The following NBEA variants were observed in gnomAD, a reference collection of about 807,000 sequenced individuals.
NBEA encodes neurobeachin, also known as lysosomal-trafficking regulator 2.
NBEA carries 44 observed loss-of-function variants against 343.4 expected under a neutral mutation model. That is an observed-to-expected ratio of 0.13 (90% CI 0.10 to 0.16). The LOEUF is 0.16. Among genes scored for constraint, NBEA ranks in the 10% least tolerant of loss-of-function variants. The pLI is 1.00. For synonymous variants in NBEA, 1,175 were observed against 1,238.7 expected (o/e 0.95, Z 1.08); for missense variants, 2,555 against 3,631.3 (o/e 0.70, Z 7.62).
intron 48 of NBEA, among the ~76,000 whole-genome samples, chr13:35,618,531 C>T (rs1163118364): frequency 2.6e-5 from 4 of 151,330 alleles, no homozygotes; most frequent in Admixed American, 2.0e-4. Context: ...AGTTATGTTT[C>T]GCTGTGAAAT....
At chr13:35,611,485 G>T (rs190384319) in intron 48 of NBEA, among the ~76,000 whole-genome samples, 128 of 152,182 alleles carry the variant, frequency 8.4e-4, no homozygotes, top group African/African-American at 2.9e-3. Context: ...TGTTTTCAGT[G>T]TACAATTTAA....
chr13:35,219,810 C>G (rs944804264), intron 33 of NBEA, among the ~76,000 whole-genome samples: 1 of 152,136 alleles, frequency 6.6e-6, no homozygotes, highest in African/African-American at 2.4e-5. Flanking sequence ...CTCAAACATT[C>G]AGGCAGAAGG....
rs866237522 is a variant in NBEA, at chr13:35,398,356, C to G, written c.6180-33913C>G. On this transcript the variant is annotated intron_variant, in intron 38 of 58. Transcript: ENST00000379939. Reference sequence around the variant, plus strand: ...TATTTTGACATCCTTCCATGAATCACAAATGTTCTTAATGGCATTGAGAAT... The same window carrying G: ...TATTTTGACATCCTTCCATGAATCAGAAATGTTCTTAATGGCATTGAGAAT... Among the ~76,000 whole-genome samples, 3 of 152,250 alleles carry G rather than the reference C, an allele frequency of 2.0e-5. No individual in the cohort carries two copies. In the Middle Eastern group the frequency reaches 0.01, roughly 518 times the overall value.
chr13:34,943,486 G>A (rs187828627), intron 1 of NBEA, among the ~76,000 whole-genome samples: 124 of 152,228 alleles, frequency 8.1e-4, no homozygotes, highest in African/African-American at 2.9e-3. Flanking sequence ...ACACTTAATT[G>A]TCCTTGGTGT....
At chr13:35,324,883 C>CA (rs1398312568) in intron 36 of NBEA, among the ~76,000 whole-genome samples, 1 of 151,954 alleles carries the variant, frequency 6.6e-6, no homozygotes, top group Non-Finnish European at 1.5e-5. Flanking sequence ...AACAAACAAA[C>CA]AAAAAATCAT....
intron 55 of NBEA, among the ~76,000 whole-genome samples, chr13:35,658,654 T>C (rs1185434138): frequency 2.0e-5 from 3 of 152,180 alleles, no homozygotes; most frequent in African/African-American, 7.2e-5. Context: ...TCCGATAATA[T>C]TTTGTACCAT....
chr13:35,507,411 T>C (rs1480226078), intron 41 of NBEA, among the ~76,000 whole-genome samples: 2 of 152,146 alleles, frequency 1.3e-5, no homozygotes, highest in African/African-American at 2.4e-5. Context: ...TGACTCTCTT[T>C]CTTGAACTTC....
chr13:35,243,798 C>T (rs141210037), intron 34 of NBEA, among the ~76,000 whole-genome samples: 82 of 151,914 alleles, frequency 5.4e-4, no homozygotes, highest in African/African-American at 1.9e-3. Flanking sequence ...CTGCAATAAT[C>T]GTGGGAGACA....
chr13:35,640,368 T>G (rs966772150), intron 49 of NBEA, among the ~76,000 whole-genome samples: 2 of 152,206 alleles, frequency 1.3e-5, no homozygotes, highest in African/African-American at 4.8e-5. Context: ...GTGCACACTT[T>G]AGAGGACACC....
intron 41 of NBEA, among the ~76,000 whole-genome samples, chr13:35,493,592 A>G (rs960429540): frequency 6.6e-6 from 1 of 151,970 alleles, no homozygotes; most frequent in Non-Finnish European, 1.5e-5. Flanking sequence ...AAGTGTTTTC[A>G]TATCATATAA....
intron 40 of NBEA, among the ~76,000 whole-genome samples, chr13:35,465,846 TC>T: frequency 6.6e-6 from 1 of 152,164 alleles, no homozygotes; most frequent in East Asian, 1.9e-4. Flanking sequence ...CTTTTTTGGT[TC>T]CTTGTAACAT....
intron 53 of NBEA, among the ~76,000 whole-genome samples, chr13:35,653,810 G>T (rs2084676222): frequency 1.3e-5 from 2 of 152,122 alleles, no homozygotes; most frequent in South Asian, 4.1e-4. Context: ...CTTTCCAGTA[G>T]ACATTGACAA....
At position 35,645,911 on chromosome 13, in the gene NBEA, C is replaced by T; in HGVS notation, c.7660C>T (p.Leu2554Phe). 1 of 1,573,428 alleles carries T rather than the reference C, an allele frequency of 6.4e-7. No homozygotes were observed. Among genetic ancestry groups the T allele is most frequent in the Non-Finnish European group, 8.7e-7 (1 of 1,155,568 alleles). ...CATTAGAGACCCCCACACTTTCCTT[C>T]TTACAAAGGACTTTATTAAGGTATA... ...YFIRDPHTFL[L>F]TKDFIKAMEA... is the part of the protein sequence containing the mutation. Residue 2554 changes from leucine (L) to phenylalanine (F), a missense_variant, in exon 50 of 59, where the codon CTT becomes TTT. Transcript: ENST00000379939.
chr13:35,585,131 T>TAA (rs775053482), intron 46 of NBEA, among the ~76,000 whole-genome samples: 5 of 71,448 alleles, frequency 7.0e-5, no homozygotes, highest in South Asian at 7.4e-4. Context: ...TCACTGACCT[T>TAA]AAAAAAAAAA....
chr13:35,398,301 T>C (rs1425426900), intron 38 of NBEA, among the ~76,000 whole-genome samples: 1 of 152,164 alleles, frequency 6.6e-6, no homozygotes, highest in Non-Finnish European at 1.5e-5. Flanking sequence ...AGGTTGAAAT[T>C]AGCTTCTCCC....
At chr13:35,663,661 C>T (rs2085212680) in intron 55 of NBEA, among the ~76,000 whole-genome samples, 2 of 152,130 alleles carry the variant, frequency 1.3e-5, no homozygotes. Flanking sequence ...CCAGGAAGCC[C>T]AGGGCATCTT....
intron 1 of NBEA, among the ~76,000 whole-genome samples, chr13:35,010,397 G>T (rs1480897720): frequency 6.6e-6 from 1 of 151,806 alleles, no homozygotes; most frequent in Non-Finnish European, 1.5e-5. Flanking sequence ...GGGTAACATA[G>T]TAAGACCTCA....
At chr13:35,390,803 A>G (rs1162035952) in intron 38 of NBEA, among the ~76,000 whole-genome samples, 2 of 152,164 alleles carry the variant, frequency 1.3e-5, no homozygotes, top group East Asian at 1.9e-4. Context: ...TAAATTTTAT[A>G]TTTCTTTGAA....
At position 35,298,187 on chromosome 13, in the gene NBEA, A is replaced by ATG. The variant is rs1216541038; in HGVS notation, c.5838+7761_5838+7762dup. 3.7e-3 allele frequency among the ~76,000 whole-genome samples: 424 copies of ATG among 115,048 alleles called. 4 individuals carry two copies. Among genetic ancestry groups the ATG allele is most frequent in the African/African-American group, 0.012 (356 of 30,134 alleles). The allele number at this position is 115,048 out of a possible 152,430, so 75.5% of individuals were successfully genotyped here. The stretch of plus-strand genomic sequence containing the variant: ...ATACATAGCCAGTGTGTGTGTGTGT[A>ATG]TGTGTGTGTGTGTGTGTGTGTGTGT... On this transcript the variant is annotated intron_variant, in intron 35 of 58. Coordinates refer to ENST00000379939, the MANE Select transcript of NBEA (RefSeq NM_001385012.1).
Sources: allele counts gnomAD v4.1 joint callset (sites outside exome capture counted in the v4.1 genomes callset), GRCh38; gene constraint gnomAD v4.1.1; transcripts MANE v1.5; gene names NCBI Gene and HGNC (gene_info 2026-07-23, HGNC 2026-07-21).